The following ASTN2 variants were observed in gnomAD, a reference collection of about 807,000 sequenced individuals.
ASTN2 encodes the protein astrotactin 2, also known as astrotactin-2.
Under a neutral mutation model 139.8 loss-of-function variants are expected in ASTN2, and 54 were observed. That is an observed-to-expected ratio of 0.39 (90% CI 0.31 to 0.48). The LOEUF (loss-of-function observed/expected upper bound fraction) is 0.48, where lower values mean the gene tolerates loss of function less well. Ranked by LOEUF, ASTN2 falls within the 20% of genes least tolerant of loss-of-function variation. ASTN2 has a pLI of 0.95. For synonymous variants in ASTN2, 756 were observed against 719.5 expected, an observed-to-expected ratio of 1.05 and a Z score of -0.81; for missense variants, 1,565 against 1,725.1, an observed-to-expected ratio of 0.91 and a Z score of 1.64.
At chr9:116,856,448 A>G (rs949061517) in intron 11 of ASTN2, among the ~76,000 whole-genome samples, 1 of 151,516 alleles carries the variant, frequency 6.6e-6, no homozygotes, top group African/African-American at 2.4e-5. Flanking sequence ...CACTCTGCTG[A>G]CTCTTCTTGC....
intron 20 of ASTN2, among the ~76,000 whole-genome samples, chr9:116,453,841 G>C (rs1007784045): frequency 6.6e-6 from 1 of 152,140 alleles, no homozygotes. Flanking sequence ...ATCATGCCAT[G>C]TTTGTGAGCT....
chr9:116,945,758 T>C (rs868750266), intron 10 of ASTN2, among the ~76,000 whole-genome samples: 3 of 152,332 alleles, frequency 2.0e-5, no homozygotes, highest in Middle Eastern at 6.8e-3. Flanking sequence ...CATAGAGTTC[T>C]GGATGTCCCG....
At chr9:117,086,183 A>G (rs1183120318) in intron 5 of ASTN2, among the ~76,000 whole-genome samples, 1 of 152,174 alleles carries the variant, frequency 6.6e-6, no homozygotes, top group African/African-American at 2.4e-5. Context: ...GTGAACTCAG[A>G]GAGGGTCATA....
intron 2 of ASTN2, among the ~76,000 whole-genome samples, chr9:117,272,380 G>C (rs2210767): frequency 0.23 from 34,752 of 152,168 alleles, 4,852 homozygotes; most frequent in South Asian, 0.32. Context: ...CTCTGGGCCT[G>C]TGATAGGAGG....
At chr9:117,350,166 A>G (rs1829343309) in intron 1 of ASTN2, among the ~76,000 whole-genome samples, 1 of 152,230 alleles carries the variant, frequency 6.6e-6, no homozygotes, top group Non-Finnish European at 1.5e-5. Flanking sequence ...AAACATTTCC[A>G]AAATTAAAAG....
intron 11 of ASTN2, among the ~76,000 whole-genome samples, chr9:116,832,956 A>ATTTATTTATTTATTTATTTC (rs1307585490): frequency 6.6e-6 from 1 of 151,288 alleles, no homozygotes; most frequent in Non-Finnish European, 1.5e-5. Context: ...TTATTTATTT[A>ATTTATTTATTTATTTATTTC]TTTATTTTTT....
chr9:117,060,320 AAGAAAGAAAGAAAGAAAGAAAGAG>A (rs1489227706), intron 5 of ASTN2, among the ~76,000 whole-genome samples: 17 of 92,004 alleles, frequency 1.8e-4, no homozygotes, highest in African/African-American at 9.6e-4. Flanking sequence ...AAAAAGAAAA[AAGAAAGAAAGAAAGAAAGAAAGAG>A]AGAAAGAAAG....
intron 19 of ASTN2, among the ~76,000 whole-genome samples, chr9:116,573,778 C>CA (rs772096697): frequency 6.6e-6 from 1 of 152,094 alleles, no homozygotes; most frequent in Non-Finnish European, 1.5e-5. Context: ...CAAGTTATGG[C>CA]ATTGGTCAGT....
chr9:116,846,561 C>G (rs990474621), intron 11 of ASTN2, among the ~76,000 whole-genome samples: 1 of 152,152 alleles, frequency 6.6e-6, no homozygotes, highest in Non-Finnish European at 1.5e-5. Flanking sequence ...GCTGGGTTTG[C>G]TCACACACAC....
At chr9:117,208,220 G>T (rs1391931516) in intron 3 of ASTN2, among the ~76,000 whole-genome samples, 2 of 152,088 alleles carry the variant, frequency 1.3e-5, no homozygotes, top group African/African-American at 4.8e-5. Context: ...TAAACTCAGT[G>T]AGGTATAAGA....
chr9:116,808,276 AT>A (rs1831079478), intron 12 of ASTN2, among the ~76,000 whole-genome samples: 1 of 100,904 alleles, frequency 9.9e-6, no homozygotes. Context: ...TTAAATACAT[AT>A]TGTGTGTGTG....
chr9:117,380,029 T>C (rs1587996536), intron 1 of ASTN2, among the ~76,000 whole-genome samples: 2 of 152,038 alleles, frequency 1.3e-5, no homozygotes, highest in Non-Finnish European at 2.9e-5. Flanking sequence ...GACACTAATG[T>C]GAAAGGTTTT....
At chr9:116,434,601 A>G (rs1398335879) in intron 22 of ASTN2, among the ~76,000 whole-genome samples, 4 of 152,210 alleles carry the variant, frequency 2.6e-5, no homozygotes, top group Non-Finnish European at 4.4e-5. Context: ...CTGAAGCAAA[A>G]TGTCCTCAAG....
intron 2 of ASTN2, among the ~76,000 whole-genome samples, chr9:117,245,717 G>A (rs1833360646): frequency 6.6e-6 from 1 of 152,030 alleles, no homozygotes; most frequent in Non-Finnish European, 1.5e-5. Flanking sequence ...CCATAATCCC[G>A]AAACAGTCTT....
intron 20 of ASTN2, among the ~76,000 whole-genome samples, chr9:116,470,816 C>T (rs1169339673): frequency 1.9e-4 from 29 of 152,158 alleles, no homozygotes; most frequent in Admixed American, 1.9e-3. Context: ...CTGTAAATGG[C>T]ATGATTCTTG....
intron 10 of ASTN2, among the ~76,000 whole-genome samples, chr9:116,925,865 C>CAAAA (rs1554761472): frequency 2.8e-4 from 27 of 97,814 alleles, no homozygotes; most frequent in African/African-American, 9.4e-4. Context: ...CAACACAACA[C>CAAAA]ACACACACAC....
chr9:117,350,717 A>C (rs1045338864), intron 1 of ASTN2, among the ~76,000 whole-genome samples: 15 of 152,136 alleles, frequency 9.9e-5, no homozygotes, highest in Non-Finnish European at 1.9e-4. Context: ...GTGGGGAATG[A>C]GGCTGGGAAA....
In ASTN2 at chr9:116,651,677, T is replaced by C; in HGVS notation, c.2923A>G (p.Ile975Val). ...CAGCGCCCCTTCTCCTCACAGCGAATCTCCACACCTGAAATGAGCTGGTCA... is the reference window on the plus strand; with the variant it reads ...CAGCGCCCCTTCTCCTCACAGCGAACCTCCACACCTGAAATGAGCTGGTCA... ...SDDQLISGVE[I>V]RCEEKGRCPS... Residue 975 changes from isoleucine to valine, a missense_variant, in exon 17 of 23, where the codon ATT (isoleucine) becomes GTT (valine). Physicochemically the swap from Ile to Val is conservative, Grantham distance 29 (BLOSUM62 3). Around this residue, in one of 4 missense-constraint regions of ASTN2, gnomAD observed 418 missense variants for 465.8 expected, o/e 0.90. Coordinates refer to ENST00000313400, the MANE Select transcript of ASTN2 (RefSeq NM_001365068.1). 1 of 1,614,108 alleles carries C rather than the reference T, an allele frequency of 6.2e-7. No individual in the cohort carries two copies. Among genetic ancestry groups the C allele is most frequent in the Non-Finnish European group, 8.5e-7 (1 of 1,180,038 alleles).
chr9:116,599,814 T>C (rs1854779192), intron 19 of ASTN2, among the ~76,000 whole-genome samples: 1 of 152,190 alleles, frequency 6.6e-6, no homozygotes, highest in Admixed American at 6.5e-5. Context: ...CCTCCCCATG[T>C]CAGATGGAGG....
Sources: allele counts gnomAD v4.1 joint callset (sites outside exome capture counted in the v4.1 genomes callset), GRCh38; gene constraint gnomAD v4.1.1; regional missense constraint gnomAD v4.1.1; transcripts MANE v1.5; gene names NCBI Gene and HGNC (gene_info 2026-07-23, HGNC 2026-07-21).